MOB2: variants seen among roughly 807,000 people sequenced by gnomAD.
The protein encoded by MOB2 is MOB kinase activator 2.
Under a neutral mutation model 27.4 loss-of-function variants are expected in MOB2, and 14 were observed. The ratio of observed to expected loss-of-function variants is 0.51; its 90% CI spans 0.34 to 0.80. MOB2 has a LOEUF of 0.80. MOB2 is among the 30% of genes least tolerant of loss of function. The probability of loss-of-function intolerance (pLI) is 0.01; values close to 1 mark genes in which losing one functional copy is unlikely to be tolerated. For missense variants in MOB2, 304 were observed against 354.6 expected, an observed-to-expected ratio of 0.86 and a Z score of 1.15; for synonymous variants, 167 against 151.8, an observed-to-expected ratio of 1.10 and a Z score of -0.74.
At chr11:1,471,491 C>A in intron 3 of MOB2, 72 bp from the exon 4 acceptor site, 1 of 1,548,138 alleles carries the variant, frequency 6.5e-7, no homozygotes, top group South Asian at 1.2e-5. Context: ...CCCACCCGCT[C>A]AGGTCATCTG....
At chr11:1,473,915 C>T (rs1461760621) in intron 3 of MOB2, among the ~76,000 whole-genome samples, 1 of 152,254 alleles carries the variant, frequency 6.6e-6, no homozygotes. Flanking sequence ...CGCGGATCCT[C>T]CCGATCTGGG....
chr11:1,485,947 T>A (rs1018242349), intron 1 of MOB2, among the ~76,000 whole-genome samples: 1 of 152,176 alleles, frequency 6.6e-6, no homozygotes, highest in Non-Finnish European at 1.5e-5. Flanking sequence ...CCATGCCACT[T>A]CTCTGGACAA....
At chr11:1,479,312 C>G (rs1056732122) in intron 3 of MOB2, among the ~76,000 whole-genome samples, 1 of 152,162 alleles carries the variant, frequency 6.6e-6, no homozygotes, top group African/African-American at 2.4e-5. Flanking sequence ...CACCTCAGGA[C>G]CCATCTCCAT....
chr11:1,470,748 G>A (rs536275183), intron 4 of MOB2, among the ~76,000 whole-genome samples: 1 of 152,338 alleles, frequency 6.6e-6, no homozygotes, highest in African/African-American at 2.4e-5. Context: ...AGGGCTGGGA[G>A]CTCGTTGGGC....
chr11:1,478,568 C>T (rs1036410129), intron 3 of MOB2, among the ~76,000 whole-genome samples: 2 of 152,354 alleles, frequency 1.3e-5, no homozygotes, highest in African/African-American at 2.4e-5. Flanking sequence ...ACCAGGCCAC[C>T]GCCGTCTGAC....
rs1472724866 is a variant in MOB2, at chr11:1,469,659, C to T, written c.*513G>A. ...GCAGGAGCAGGTGCAGGGCACCTCACACCACAGGCCTCCCCCACCTCTGAG... is the reference window on the plus strand; with the variant it reads ...GCAGGAGCAGGTGCAGGGCACCTCATACCACAGGCCTCCCCCACCTCTGAG... On this transcript the variant is annotated 3_prime_UTR_variant, in exon 5 of 5. Coordinates refer to ENST00000329957, the MANE Select transcript of MOB2 (RefSeq NM_001172223.3). 2 of 457,186 alleles carry T rather than the reference C, an allele frequency of 4.4e-6. No homozygotes were observed. Among genetic ancestry groups the T allele is most frequent in the African/African-American group, 2.0e-5 (1 of 50,084 alleles). 28.3% of individuals were successfully genotyped at this position (457,186 alleles called of 1,614,324 possible).
chr11:1,483,290 G>A (rs1351658860), intron 1 of MOB2, among the ~76,000 whole-genome samples: 3 of 152,218 alleles, frequency 2.0e-5, no homozygotes, highest in Non-Finnish European at 4.4e-5. Flanking sequence ...CGATGTGGAG[G>A]GAGGACTGTG....
chr11:1,484,910 C>G (rs546264385), intron 1 of MOB2, among the ~76,000 whole-genome samples: 8 of 152,326 alleles, frequency 5.3e-5, no homozygotes, highest in African/African-American at 1.4e-4. Context: ...TCTGCCCCCC[C>G]AAACAGGTCA....
chr11:1,471,540 C>G lies in MOB2; in HGVS notation c.366-121G>C, dbSNP rs1847791291. 3.2e-6 allele frequency: 4 copies of G among 1,243,412 alleles called. No homozygotes were observed. In the South Asian group the frequency reaches 5.6e-5, roughly 17 times the overall value. The allele number at this position is 1,243,412 out of a possible 1,614,324, so 77.0% of individuals were successfully genotyped here. Reference sequence around the variant, plus strand: ...CGCCAGCAGCGGAGGTGTGGCAGACCCAGGTGTCTCCCTCCCTGGACATGC... The same window carrying G: ...CGCCAGCAGCGGAGGTGTGGCAGACGCAGGTGTCTCCCTCCCTGGACATGC... On this transcript the variant is annotated intron_variant, in intron 3 of 4. Transcript: ENST00000329957.
In MOB2 at chr11:1,480,368, T is replaced by G. The variant is rs768338947; in HGVS notation, c.365+25A>C. The G allele has an allele frequency of 1.9e-6, 3 of 1,607,786 alleles. No individual in the cohort carries two copies. In the South Asian group the frequency reaches 3.3e-5, roughly 18 times the overall value. On this transcript the variant is annotated intron_variant, in intron 3 of 4. Coordinates refer to ENST00000329957, the MANE Select transcript of MOB2 (RefSeq NM_001172223.3). ...CCCCACCGAGTCTCCCAAGAGAAAG[T>G]GGGCTGTAGCCAGGCAGCACTCACG...
chr11:1,485,287 C>G (rs1847958184), intron 1 of MOB2, among the ~76,000 whole-genome samples: 1 of 152,236 alleles, frequency 6.6e-6, no homozygotes, highest in East Asian at 1.9e-4. Flanking sequence ...CACAAGCACA[C>G]ACTGGCACAG....
At chr11:1,470,549 C>A in intron 4 of MOB2, 61 bp from the exon 5 acceptor site, 1 of 1,535,454 alleles carries the variant, frequency 6.5e-7, no homozygotes, top group Non-Finnish European at 8.8e-7. Context: ...GAGGCCAGGC[C>A]CCTGGCACCC....
intron 3 of MOB2, among the ~76,000 whole-genome samples, chr11:1,476,935 A>G (rs1397213558): frequency 6.6e-6 from 1 of 152,190 alleles, no homozygotes; most frequent in Non-Finnish European, 1.5e-5. Flanking sequence ...CCATGGTCAG[A>G]AAACTTACTT....
intron 4 of MOB2, among the ~76,000 whole-genome samples, chr11:1,470,901 C>T (rs967587903): frequency 3.3e-5 from 5 of 152,358 alleles, no homozygotes; most frequent in African/African-American, 9.6e-5. Context: ...TGTCCCCTGC[C>T]GTCCCTCTGG....
chr11:1,475,841 T>A (rs925688207), intron 3 of MOB2, among the ~76,000 whole-genome samples: 1 of 152,268 alleles, frequency 6.6e-6, no homozygotes, highest in Admixed American at 6.5e-5. Context: ...AGATTTGTTC[T>A]TACCTTAGAT....
At chr11:1,485,757 G>A (rs562610146) in intron 1 of MOB2, among the ~76,000 whole-genome samples, 17 of 151,918 alleles carry the variant, frequency 1.1e-4, no homozygotes, top group African/African-American at 3.4e-4. Flanking sequence ...ACGGGTGCAC[G>A]CTCCCACACA....
intron 4 of MOB2, among the ~76,000 whole-genome samples, chr11:1,470,753 T>C (rs1281274666): frequency 6.6e-6 from 1 of 152,194 alleles, no homozygotes; most frequent in Non-Finnish European, 1.5e-5. Flanking sequence ...TGGGAGCTCG[T>C]TGGGCCATCC....
intron 3 of MOB2, among the ~76,000 whole-genome samples, chr11:1,478,843 A>G (rs1055123287): frequency 3.3e-5 from 5 of 152,114 alleles, no homozygotes; most frequent in African/African-American, 1.2e-4. Flanking sequence ...ACGCGCCTCA[A>G]TCCCAGAGCC....
At chr11:1,485,812 AGT>A (rs1847964033) in intron 1 of MOB2, among the ~76,000 whole-genome samples, 1 of 152,216 alleles carries the variant, frequency 6.6e-6, no homozygotes, top group South Asian at 2.1e-4. Context: ...CACCGAGCTG[AGT>A]GGTGTGGGCA....
Sources: gnomAD v4.1 joint callset for allele counts (sites outside exome capture counted in the v4.1 genomes callset) on GRCh38, gnomAD v4.1.1 for gene constraint, MANE v1.5 for transcripts, NCBI Gene and HGNC (gene_info 2026-07-23, HGNC 2026-07-21) for gene names.